RGS7: variants seen among roughly 807,000 people sequenced by gnomAD.
RGS7 encodes regulator of G-protein signaling 7.
RGS7 carries 27 observed loss-of-function variants against 81.1 expected under a neutral mutation model. That is an observed-to-expected ratio of 0.33 (90% CI 0.25 to 0.46). The LOEUF (loss-of-function observed/expected upper bound fraction) is 0.46. Ranked by LOEUF, RGS7 falls within the 20% of genes least tolerant of loss-of-function variation. RGS7 has a pLI of 1.00. For missense variants in RGS7, 396 were observed against 607.4 expected (o/e 0.65, Z 3.66); for synonymous variants, 208 against 207.7 (o/e 1.00, Z -0.01).
chr1:241,051,374 A>C (rs914885673), intron 3 of RGS7, among the ~76,000 whole-genome samples: 2 of 152,194 alleles, frequency 1.3e-5, no homozygotes, highest in African/African-American at 2.4e-5. Context: ...AAACTCGTTT[A>C]GATGCTTTAT....
In RGS7 at chr1:240,813,713, C is replaced by T. The variant is rs779535875; in HGVS notation, c.861G>A (p.Thr287=). Residue 287 remains threonine (T), a synonymous_variant, in exon 13 of 19, where the codon ACG becomes ACA. Coordinates refer to ENST00000440928, the MANE Select transcript of RGS7 (RefSeq NM_001364886.1). ...ACGGGTCGTATTCTAAATACTGTTC[C>T]GTGTAACTTAGTAGACTAAGGAGAA... ...SKVADSLLSY[T]EQYLEYDPFL... is the part of the protein sequence containing the mutation. The T allele has an allele frequency of 2.5e-5, 40 of 1,610,632 alleles. No homozygotes were observed. In the South Asian group the frequency reaches 2.7e-4, roughly 11 times the overall value.
At chr1:241,093,946 GGAAGTC>G (rs1287036567) in intron 3 of RGS7, among the ~76,000 whole-genome samples, 2 of 152,156 alleles carry the variant, frequency 1.3e-5, no homozygotes, top group Non-Finnish European at 2.9e-5. Context: ...GCTAGAAAAG[GGAAGTC>G]GAAGTCGAAA....
intron 3 of RGS7, among the ~76,000 whole-genome samples, chr1:240,993,225 G>C (rs1686767984): frequency 7.1e-6 from 1 of 141,052 alleles, no homozygotes; most frequent in Non-Finnish European, 1.5e-5. Flanking sequence ...AAGGAAGGAA[G>C]GAAAGAAGGA....
At chr1:240,877,506 C>T (rs1665640835) in intron 6 of RGS7, among the ~76,000 whole-genome samples, 1 of 151,952 alleles carries the variant, frequency 6.6e-6, no homozygotes, top group African/African-American at 2.4e-5. Context: ...CTGTACCACA[C>T]ATGCTGTATT....
intron 2 of RGS7, among the ~76,000 whole-genome samples, chr1:241,121,503 T>C (rs1222307183): frequency 6.6e-6 from 1 of 152,116 alleles, no homozygotes; most frequent in Non-Finnish European, 1.5e-5. Flanking sequence ...TATGTTATAA[T>C]TGATGCAGCC....
chr1:241,349,157 C>G (rs1049644881), intron 2 of RGS7, among the ~76,000 whole-genome samples: 5 of 152,086 alleles, frequency 3.3e-5, no homozygotes, highest in Non-Finnish European at 7.4e-5. Flanking sequence ...TTTTTTATCA[C>G]TTTATAGATT....
intron 2 of RGS7, among the ~76,000 whole-genome samples, chr1:241,145,777 A>C (rs2068269184): frequency 1.3e-5 from 2 of 152,182 alleles, no homozygotes; most frequent in African/African-American, 4.8e-5. Context: ...TTAAATAATA[A>C]ATACAAAAAT....
At chr1:240,816,439 AT>A in intron 10 of RGS7, 24 bp from the exon 11 acceptor site, 1 of 1,445,146 alleles carries the variant, frequency 6.9e-7, no homozygotes, top group South Asian at 1.1e-5. Flanking sequence ...AAAAATAAAC[AT>A]TTTAGGACAA....
chr1:241,064,836 T>C (rs1172846923), intron 3 of RGS7, among the ~76,000 whole-genome samples: 1 of 152,110 alleles, frequency 6.6e-6, no homozygotes, highest in Non-Finnish European at 1.5e-5. Flanking sequence ...ATCCCTGTCA[T>C]GAAGGAGGAG....
At chr1:241,057,582 T>TG (rs140874319) in intron 3 of RGS7, among the ~76,000 whole-genome samples, 1 of 152,022 alleles carries the variant, frequency 6.6e-6, no homozygotes, top group Non-Finnish European at 1.5e-5. Flanking sequence ...ACTCTTATTC[T>TG]TCTTACTGTA....
intron 3 of RGS7, among the ~76,000 whole-genome samples, chr1:241,078,301 C>CTGTGTGTGTGTG (rs71568986): frequency 1.8e-4 from 23 of 130,274 alleles, no homozygotes; most frequent in Non-Finnish European, 3.1e-4. Flanking sequence ...CTTCTGGTCT[C>CTGTGTGTGTGTG]TGTGTGTGTG....
chr1:241,228,227 C>T (rs1281731912), intron 2 of RGS7, among the ~76,000 whole-genome samples: 2 of 152,196 alleles, frequency 1.3e-5, no homozygotes, highest in Admixed American at 6.5e-5. Flanking sequence ...ACCCCGGCCA[C>T]AATGCCAAAA....
chr1:240,893,920 C>A (rs1668643023), intron 6 of RGS7, among the ~76,000 whole-genome samples: 3 of 152,118 alleles, frequency 2.0e-5, no homozygotes, highest in African/African-American at 7.2e-5. Context: ...TGATCAATTT[C>A]TTTTATCCAA....
chr1:241,237,028 G>A (rs1026018440), intron 2 of RGS7, among the ~76,000 whole-genome samples: 1 of 152,162 alleles, frequency 6.6e-6, no homozygotes, highest in Non-Finnish European at 1.5e-5. Context: ...AATGGTCTTC[G>A]GAGAAAATGG....
chr1:241,319,685 T>C (rs2081098050), intron 2 of RGS7, among the ~76,000 whole-genome samples: 1 of 152,152 alleles, frequency 6.6e-6, no homozygotes, highest in African/African-American at 2.4e-5. Context: ...CCACCATGCC[T>C]GACCCAAAAG....
intron 4 of RGS7, among the ~76,000 whole-genome samples, chr1:240,957,457 C>T (rs570057884): frequency 2.0e-5 from 3 of 152,250 alleles, no homozygotes; most frequent in East Asian, 1.9e-4. Context: ...ACCTTGTGAC[C>T]GTGTGAGTCA....
chr1:240,914,085 G>A (rs1329309676), intron 6 of RGS7, among the ~76,000 whole-genome samples: 2 of 121,574 alleles, frequency 1.6e-5, no homozygotes, highest in East Asian at 4.9e-4. Flanking sequence ...ACAACAGAAT[G>A]ATGATGAGAT....
rs190205334 is a variant in RGS7 at position 241,350,838 on chromosome 1, C to T, written c.78+4861G>A. ...ACACCCTCAGCGTTGACCAGATGGG[C>T]AGTCCTGCACTGACAAACCCACTGA... On this transcript the variant is annotated intron_variant, in intron 2 of 18. Coordinates refer to ENST00000440928, the MANE Select transcript of RGS7 (RefSeq NM_001364886.1). Among the ~76,000 whole-genome samples, 257 of 151,698 alleles carry T rather than the reference C, an allele frequency of 1.7e-3. 2 individuals carry two copies. The highest frequency in any genetic ancestry group is 5.9e-3 in the African/African-American group (244 of 41,320).
Position 240,943,355 on chromosome 1 carries a change from T to C in RGS7, c.227-6649A>G, listed in dbSNP as rs762789078. On this transcript the variant is annotated intron_variant, in intron 4 of 18. Coordinates refer to ENST00000440928, the MANE Select transcript of RGS7 (RefSeq NM_001364886.1). ...CTCATCTGTAATCATCTGTAAGAAG[T>C]TGACAAAATAATAATGCCAAAGATT... Among the ~76,000 whole-genome samples, 9 of 152,118 alleles carry C rather than the reference T, an allele frequency of 5.9e-5. No homozygotes were observed. The East Asian group carries it at 7.7e-4, about 13-fold the overall frequency.
Sources: gnomAD v4.1 joint callset for allele counts (sites outside exome capture counted in the v4.1 genomes callset) on GRCh38, gnomAD v4.1.1 for gene constraint, MANE v1.5 for transcripts, NCBI Gene and HGNC (gene_info 2026-07-23, HGNC 2026-07-21) for gene names.